TMPRSS5: variants seen among roughly 807,000 people sequenced by gnomAD.
The protein encoded by TMPRSS5 is transmembrane protease serine 5.
TMPRSS5 carries 45 observed loss-of-function variants against 59.7 expected under a neutral mutation model. The observed-to-expected ratio is 0.75, with a 90% CI of 0.59 to 0.97. The LOEUF (loss-of-function observed/expected upper bound fraction) is 0.97, where lower values mean the gene tolerates loss of function less well. Among genes scored for constraint, TMPRSS5 ranks in the 50% least tolerant of loss-of-function variants. The pLI is 0.00. For synonymous variants in TMPRSS5, 225 were observed against 232.0 expected, an observed-to-expected ratio of 0.97 and a Z score of 0.27; for missense variants, 585 against 596.7, an observed-to-expected ratio of 0.98 and a Z score of 0.20.
Position 113,694,578 on chromosome 11 carries a change from A to T in TMPRSS5, c.685T>A (p.Trp229Arg). Residue 229 changes from tryptophan (W) to arginine (R), a missense_variant, in exon 8 of 13, where the codon TGG becomes AGG. Trp to Arg is a moderately radical substitution (Grantham distance 101, BLOSUM62 -3). Coordinates refer to ENST00000299882, the MANE Select transcript of TMPRSS5 (RefSeq NM_030770.4). ...AGGGCCACGCTGGCCTGCCACGGCC[A>T]GCGCCCAGGAGCCACAGACTGCCCA... Reference protein sequence around the residue: ...VGGQSVAPGRWPWQASVALGF... With the variant: ...VGGQSVAPGRRPWQASVALGF... 6.4e-7 allele frequency: 1 copy of T among 1,556,196 alleles called. No individual in the cohort carries two copies. Among genetic ancestry groups the T allele is most frequent in the Non-Finnish European group, 8.7e-7 (1 of 1,150,044 alleles).
At chr11:113,695,526 G>T in intron 6 of TMPRSS5, 83 bp from the exon 7 acceptor site, 1 of 1,398,974 alleles carries the variant, frequency 7.1e-7, no homozygotes. Context: ...GAATGGGGGA[G>T]GCTGGTGGGG....
At chr11:113,688,391 G>A in intron 12 of TMPRSS5, 117 bp from the exon 13 acceptor site, 1 of 708,582 alleles carries the variant, frequency 1.4e-6, no homozygotes. Context: ...TATCAAATGA[G>A]GCTAAAAATA....
At chr11:113,696,694 T>A (rs1011549620) in intron 6 of TMPRSS5, 164 bp downstream of exon 6, 6 of 606,458 alleles carry the variant, frequency 9.9e-6, no homozygotes, top group Non-Finnish European at 1.8e-5. Flanking sequence ...ACAGGGCTCA[T>A]GTGAACTGAG....
At chr11:113,695,472 T>C (rs199680281) in intron 6 of TMPRSS5, 29 bp from the exon 7 acceptor site, 40 of 1,613,430 alleles carry the variant, frequency 2.5e-5, no homozygotes, top group Admixed American at 6.7e-5. Context: ...AACAAGAAGC[T>C]GGGCAGGGGC....
chr11:113,696,686 A>G, intron 6 of TMPRSS5, 172 bp downstream of exon 6: 1 of 599,962 alleles, frequency 1.7e-6, no homozygotes, highest in Non-Finnish European at 3.0e-6. Flanking sequence ...GGTGACAGAC[A>G]GGGCTCATGT....
At chr11:113,689,703 C>T (rs1230233025) in intron 12 of TMPRSS5, 62 bp downstream of exon 12, 2 of 1,551,718 alleles carry the variant, frequency 1.3e-6, no homozygotes, top group Non-Finnish European at 1.7e-6. Flanking sequence ...GGGTAAGGTT[C>T]CTTGCATTCG....
intron 7 of TMPRSS5, among the ~76,000 whole-genome samples, chr11:113,695,012 C>T (rs1191220023): frequency 6.6e-6 from 1 of 152,064 alleles, no homozygotes; most frequent in African/African-American, 2.4e-5. Context: ...CAGATTGCTT[C>T]CCGTTTGGTA....
chr11:113,700,239 C>A, intron 1 of TMPRSS5, 71 bp from the exon 2 acceptor site: 3 of 1,340,878 alleles, frequency 2.2e-6, no homozygotes, highest in Non-Finnish European at 2.0e-6. Flanking sequence ...CAGCCCAGTC[C>A]AAGTCCCCAT....
chr11:113,704,834 T>G (rs891725397), intron 1 of TMPRSS5, among the ~76,000 whole-genome samples: 2 of 123,048 alleles, frequency 1.6e-5, no homozygotes, highest in African/African-American at 3.2e-5. Flanking sequence ...TGGCACAAAG[T>G]GGGAATTCAG....
rs770366436 is a variant in TMPRSS5, at chr11:113,699,033, G to A, written c.206-6C>T. On this transcript the variant is annotated splice_polypyrimidine_tract_variant and splice_region_variant and intron_variant, in intron 3 of 12. Transcript: ENST00000299882. ...AGCAGGACACAGATACAGCACTTTA[G>A]AGAAGAACAAAGAGAAAGGGTCTGA... 75 of 1,611,310 alleles carry A rather than the reference G, an allele frequency of 4.7e-5. No homozygotes were observed. Among genetic ancestry groups the A allele is most frequent in the Non-Finnish European group, 6.2e-5 (73 of 1,178,838 alleles).
intron 6 of TMPRSS5, among the ~76,000 whole-genome samples, 180 bp downstream of exon 6, chr11:113,696,678 T>C (rs1215703490): frequency 6.6e-6 from 1 of 152,216 alleles, no homozygotes; most frequent in Non-Finnish European, 1.5e-5. Context: ...TGTGAAGTGG[T>C]GACAGACAGG....
rs1170440583 is a variant in TMPRSS5 at position 113,688,270 on chromosome 11, G to A, written c.1364C>T (p.Ser455Phe). 2 of 1,580,224 alleles carry A rather than the reference G, an allele frequency of 1.3e-6. No individual in the cohort carries two copies. The highest frequency in any genetic ancestry group is 1.8e-5 in the Admixed American group (1 of 55,370). The change falls in exon 13 of 13, where the codon TCC becomes TTC. Residue 455 changes from serine (S) to phenylalanine (F), a missense_variant. Coordinates refer to ENST00000299882, the MANE Select transcript of TMPRSS5 (RefSeq NM_030770.4). ...LDWIHDTAQD[S>F]LL ...AGGAAACAGCAGGACTCAGAGGAGG[G>A]AGTCCTAGACCAAAAGGGAAAGGAA... is the stretch of plus-strand genomic sequence containing the variant.
intron 7 of TMPRSS5, 78 bp downstream of exon 7, chr11:113,695,322 A>G: frequency 1.3e-6 from 2 of 1,518,634 alleles, no homozygotes; most frequent in Non-Finnish European, 1.8e-6. Context: ...GTCTCACCAT[A>G]GGGCTCTTCC....
At position 113,690,839 on chromosome 11, in the gene TMPRSS5, A is replaced by T; in HGVS notation, c.1063+2T>A. On this transcript the variant is annotated splice_donor_variant, in intron 10 of 12. Coordinates refer to ENST00000299882, the MANE Select transcript of TMPRSS5 (RefSeq NM_030770.4). LOFTEE classifies it high-confidence loss of function. The stretch of plus-strand genomic sequence containing the variant: ...CACCGAGGGCCCAGGGAGCTGACTC[A>T]CTATGGCTAGGGTGGGTGTGGCCCC... The T allele has an allele frequency of 6.3e-7, 1 of 1,582,248 alleles. No individual in the cohort carries two copies. Among genetic ancestry groups the T allele is most frequent in the Non-Finnish European group, 8.6e-7 (1 of 1,164,864 alleles).
intron 6 of TMPRSS5, 169 bp downstream of exon 6, chr11:113,696,689 G>T: frequency 1.7e-6 from 1 of 603,298 alleles, no homozygotes; most frequent in South Asian, 2.0e-5. Flanking sequence ...GACAGACAGG[G>T]CTCATGTGAA....
intron 6 of TMPRSS5, among the ~76,000 whole-genome samples, chr11:113,695,984 C>T (rs967534972): frequency 2.0e-5 from 3 of 152,114 alleles, no homozygotes; most frequent in Non-Finnish European, 4.4e-5. Context: ...TCTTTCTTTA[C>T]TCACCTCTTG....
In TMPRSS5 at chr11:113,690,305, A is replaced by C. The variant is rs1331675974; in HGVS notation, c.1132T>G (p.Cys378Gly). Residue 378 changes from cysteine (C) to glycine (G), a missense_variant, in exon 11 of 13, where the codon TGC becomes GGC. By Grantham distance (159) the Cys-to-Gly change is radical. Transcript: ENST00000299882. ...LFSTQLCNSS[C>G]VYSGALTPRM... ...GGGGTGAGGGCTCCGCTGTACACGC[A>C]AGAGCTGTTGCAGAGCTGAGTGCTG... 2 of 1,596,592 alleles carry C rather than the reference A, an allele frequency of 1.3e-6. No individual in the cohort carries two copies. Among genetic ancestry groups the C allele is most frequent in the South Asian group, 1.2e-5 (1 of 86,952 alleles).
rs750953308 is a variant in TMPRSS5, at chr11:113,693,172, C to T, written c.863G>A (p.Gly288Glu). The change falls in exon 9 of 13, where the codon GGG becomes GAG. Residue 288 changes from glycine to glutamate, a missense_variant. Physicochemically the swap from Gly to Glu is moderately conservative, Grantham distance 98. Coordinates refer to ENST00000299882, the MANE Select transcript of TMPRSS5 (RefSeq NM_030770.4). The part of the protein sequence containing the change: ...VSHSAVRPHQ[G>E]ALVERIIPHP... ...TGGGATAATCCTCTCCACCAGAGCC[C>T]CTTGGTGGGGCCTGACGGCACTGTG... The T allele has an allele frequency of 4.4e-6, 7 of 1,604,080 alleles. No individual in the cohort carries two copies. Among genetic ancestry groups the T allele is most frequent in the Non-Finnish European group, 6.0e-6 (7 of 1,175,512 alleles).
At chr11:113,691,877 C>CTTTT (rs1229117467) in intron 9 of TMPRSS5, among the ~76,000 whole-genome samples, 16 of 75,750 alleles carry the variant, frequency 2.1e-4, no homozygotes, top group African/African-American at 1.3e-3. Context: ...AGAAAGTTTT[C>CTTTT]TTTTCCTTTT....
Sources: gnomAD v4.1 joint callset for allele counts (sites outside exome capture counted in the v4.1 genomes callset) on GRCh38, gnomAD v4.1.1 for gene constraint, MANE v1.5 for transcripts, NCBI Gene and HGNC (gene_info 2026-07-23, HGNC 2026-07-21) for gene names.